TTC1: variants seen among roughly 807,000 people sequenced by gnomAD.
The protein encoded by TTC1 is tetratricopeptide repeat domain 1, also known as tetratricopeptide repeat protein 1.
TTC1 carries 31 observed loss-of-function variants against 37.6 expected under a neutral mutation model. The ratio of observed to expected loss-of-function variants is 0.82; its 90% CI spans 0.62 to 1.11. The LOEUF is 1.11. Ranked by LOEUF, TTC1 falls within the 50% of genes most tolerant of loss-of-function variation. TTC1 has a pLI of 0.00. For synonymous variants in TTC1, 127 were observed against 122.4 expected (o/e 1.04, Z -0.25); for missense variants, 351 against 339.0 (o/e 1.04, Z -0.28).
Position 160,027,013 on chromosome 5 carries a change from C to T in TTC1, c.331-8127C>T, listed in dbSNP as rs534694963. Among the ~76,000 whole-genome samples, 11 of 150,052 alleles carry T rather than the reference C, an allele frequency of 7.3e-5. No homozygotes were observed. In the East Asian group the frequency reaches 1.5e-3, roughly 21 times the overall value. ...CTTTTTATAGTCTACTTTAGTTTTT[C>T]GGGATTCTTTTTTTTTTTTCTTTTT... On this transcript the variant is annotated intron_variant, in intron 2 of 7. Coordinates refer to ENST00000231238, the MANE Select transcript of TTC1 (RefSeq NM_003314.3).
chr5:160,010,124 G>A (rs116271677), intron 1 of TTC1, among the ~76,000 whole-genome samples: 1,771 of 152,144 alleles, frequency 0.012, 22 homozygotes, highest in African/African-American at 0.024. Flanking sequence ...CAGGCGCGGT[G>A]GCAGGCGCCT....
chr5:160,039,815 GT>G (rs1249249899), intron 4 of TTC1, among the ~76,000 whole-genome samples: 1 of 152,142 alleles, frequency 6.6e-6, no homozygotes, highest in Non-Finnish European at 1.5e-5. Flanking sequence ...ACTTCTTAGA[GT>G]TTTTGATATT....
intron 7 of TTC1, among the ~76,000 whole-genome samples, chr5:160,059,084 G>A (rs11135092): frequency 0.58 from 87,552 of 152,010 alleles, 25,331 homozygotes; most frequent in East Asian, 0.62. Flanking sequence ...GTCACCAGCT[G>A]TATTATCGCC....
At chr5:160,032,236 G>C (rs1356966817) in intron 2 of TTC1, among the ~76,000 whole-genome samples, 2 of 152,134 alleles carry the variant, frequency 1.3e-5, no homozygotes, top group African/African-American at 4.8e-5. Context: ...TAATGAGTTG[G>C]CTCTGAAGAG....
chr5:160,034,734 A>T (rs895874929), intron 2 of TTC1, among the ~76,000 whole-genome samples: 2 of 152,202 alleles, frequency 1.3e-5, no homozygotes. Flanking sequence ...AAAGATTCTG[A>T]AACTTGTCCG....
At chr5:160,034,752 A>G (rs974701984) in intron 2 of TTC1, among the ~76,000 whole-genome samples, 1 of 152,238 alleles carries the variant, frequency 6.6e-6, no homozygotes, top group Non-Finnish European at 1.5e-5. Context: ...CCGAGGCCAC[A>G]TAACTAGTAA....
At chr5:160,022,614 C>G (rs1168374427) in intron 2 of TTC1, among the ~76,000 whole-genome samples, 2 of 152,010 alleles carry the variant, frequency 1.3e-5, no homozygotes, top group African/African-American at 4.8e-5. Context: ...GATAGGGGTA[C>G]TATGTTAGTA....
chr5:160,014,989 A>AT (rs1452342541), intron 2 of TTC1, among the ~76,000 whole-genome samples: 1 of 152,066 alleles, frequency 6.6e-6, no homozygotes, highest in Non-Finnish European at 1.5e-5. Flanking sequence ...AGTGTAGTGT[A>AT]TTTTTTTGTT....
chr5:160,061,766 T>A lies in TTC1; in HGVS notation c.746-3166T>A, dbSNP rs1294136416. 2.0e-5 allele frequency: 3 copies of A among 152,312 alleles called. No homozygotes were observed. The East Asian group carries it at 5.8e-4, about 29-fold the overall frequency. 9.4% of individuals were successfully genotyped at this position (152,312 alleles called of 1,614,324 possible). ...AAAAGAATAATTATCTATGTGTTAG[T>A]TTGGGTCATCCAAAAAACAGATGCC... On this transcript the variant is annotated intron_variant, in intron 7 of 7. Transcript: ENST00000231238.
At chr5:160,024,687 T>C (rs2113354951) in intron 2 of TTC1, among the ~76,000 whole-genome samples, 1 of 149,996 alleles carries the variant, frequency 6.7e-6, no homozygotes, top group East Asian at 2.0e-4. Flanking sequence ...TTTCAGGATA[T>C]GGGGTTTTGC....
At chr5:160,031,584 A>C (rs1274303477) in intron 2 of TTC1, among the ~76,000 whole-genome samples, 1 of 152,152 alleles carries the variant, frequency 6.6e-6, no homozygotes, top group Non-Finnish European at 1.5e-5. Flanking sequence ...ACTGCACTCC[A>C]GACTGGGTGA....
At position 160,009,187 on chromosome 5, in the gene TTC1, T is replaced by C. The variant is rs745506860; in HGVS notation, c.-36T>C. On this transcript the variant is annotated 5_prime_UTR_variant, in exon 1 of 8. Transcript: ENST00000231238. ...AAGAAGGTGGAGACCGGAGAAGCTGTGAGGTTGTGAGTAACCCCGTGGGTC... is the reference window on the plus strand; with the variant it reads ...AAGAAGGTGGAGACCGGAGAAGCTGCGAGGTTGTGAGTAACCCCGTGGGTC... The C allele has an allele frequency of 1.3e-5, 2 of 152,228 alleles. No individual in the cohort carries two copies. The highest frequency in any genetic ancestry group is 2.9e-5 in the Non-Finnish European group (2 of 68,062). The allele number at this position is 152,228 out of a possible 1,614,324, so 9.4% of individuals were successfully genotyped here.
chr5:160,011,333 GA>G (rs2113337515), intron 2 of TTC1, among the ~76,000 whole-genome samples: 1 of 152,240 alleles, frequency 6.6e-6, no homozygotes, highest in East Asian at 1.9e-4. Flanking sequence ...GAGGTCTTGA[GA>G]AACAGAATTG....
chr5:160,010,606 C>T lies in TTC1; in HGVS notation c.78C>T (p.Ala26=). The part of the protein sequence containing the change: ...NGLKVTDTQE[A]ECAGPPVPDP... ...TGAAGGTTACAGATACTCAGGAAGC[C>T]GAGTGTGCTGGCCCTCCAGTTCCTG... The change falls in exon 2 of 8, where the codon GCC becomes GCT. Residue 26 remains alanine, a synonymous_variant. Transcript: ENST00000231238. The T allele has an allele frequency of 6.2e-7, 1 of 1,614,000 alleles. No homozygotes were observed. Among genetic ancestry groups the T allele is most frequent in the Non-Finnish European group, 8.5e-7 (1 of 1,180,014 alleles).
At chr5:160,030,996 ACTAT>A (rs1242583282) in intron 2 of TTC1, among the ~76,000 whole-genome samples, 2 of 152,152 alleles carry the variant, frequency 1.3e-5, no homozygotes, top group Non-Finnish European at 2.9e-5. Context: ...AGACCTATAC[ACTAT>A]CTATCATATC....
chr5:160,033,336 T>C (rs6556464), intron 2 of TTC1, among the ~76,000 whole-genome samples: 115,833 of 152,076 alleles, frequency 0.76, 44,765 homozygotes, highest in African/African-American at 0.9. Context: ...GCACATAGTA[T>C]GTACCATAAA....
chr5:160,055,012 T>C (rs1165758215), intron 7 of TTC1, among the ~76,000 whole-genome samples: 1 of 152,146 alleles, frequency 6.6e-6, no homozygotes, highest in Non-Finnish European at 1.5e-5. Context: ...TGTCACCTTA[T>C]GGGAGGAGTG....
chr5:160,047,537 T>C (rs1757283881), intron 5 of TTC1, among the ~76,000 whole-genome samples: 2 of 152,320 alleles, frequency 1.3e-5, no homozygotes, highest in South Asian at 4.2e-4. Context: ...CAGCTTTCAG[T>C]CTTGCCCCAC....
intron 2 of TTC1, among the ~76,000 whole-genome samples, chr5:160,030,473 A>C (rs572958892): frequency 6.6e-6 from 1 of 152,316 alleles, no homozygotes; most frequent in East Asian, 1.9e-4. Context: ...CCACCTCTCA[A>C]AATTATCTTG....
Sources: gnomAD v4.1 joint callset for allele counts (sites outside exome capture counted in the v4.1 genomes callset) on GRCh38, gnomAD v4.1.1 for gene constraint, MANE v1.5 for transcripts, NCBI Gene and HGNC (gene_info 2026-07-23, HGNC 2026-07-21) for gene names.